Variants in UGT2B4 observed in about 807,000 individuals in gnomAD.
UGT2B4 encodes UDP glucuronosyltransferase family 2 member B4.
A neutral mutation model predicts 49.8 loss-of-function variants in UGT2B4; 49 were observed. That is an observed-to-expected ratio of 0.98 (90% CI 0.78 to 1.25). The LOEUF is 1.25. Among genes scored for constraint, UGT2B4 ranks in the 50% most tolerant of loss-of-function variants. UGT2B4 has a pLI of 0.00. For synonymous variants in UGT2B4, 246 were observed against 217.7 expected (o/e 1.13, Z -1.14); for missense variants, 729 against 627.7 (o/e 1.16, Z -1.73).
chr4:69,523,426 C>G (rs1375465472), intron 1 of UGT2B4, among the ~76,000 whole-genome samples: 1 of 152,046 alleles, frequency 6.6e-6, no homozygotes, highest in Non-Finnish European at 1.5e-5. Flanking sequence ...ACATTTTGAT[C>G]ACAGCTCTTG....
At chr4:69,520,162 ATATG>A (rs755094213) in intron 1 of UGT2B4, among the ~76,000 whole-genome samples, 75 of 152,236 alleles carry the variant, frequency 4.9e-4, no homozygotes, top group Admixed American at 2.0e-4. Context: ...TTTCACACAC[ATATG>A]TATCACAATA....
chr4:69,523,620 G>A (rs1230649151), intron 1 of UGT2B4, among the ~76,000 whole-genome samples: 1 of 152,002 alleles, frequency 6.6e-6, no homozygotes, highest in Non-Finnish European at 1.5e-5. Context: ...TAATTCTCAA[G>A]GGCTGTTAGA....
rs1225022905 is a variant in UGT2B4 at position 69,495,551 on chromosome 4, G to C, written c.311C>G (p.Thr104Arg). The change falls in exon 1 of 6, where the codon ACA (threonine) becomes AGA (arginine). Residue 104 changes from threonine to arginine, a missense_variant. Thr to Arg is a moderately conservative substitution (Grantham distance 71). Coordinates refer to ENST00000305107, the MANE Select transcript of UGT2B4 (RefSeq NM_021139.3). ...VKRWAELPKD[T>R]FWSYFSQVQE... ...TACTTGTGAAAAATATGACCAAAAT[G>C]TGTCTTTTGGAAGTTCTGCCCATCT... 1.3e-5 allele frequency: 21 copies of C among 1,613,410 alleles called. No homozygotes were observed. Among genetic ancestry groups the C allele is most frequent in the Non-Finnish European group, 1.8e-5 (21 of 1,179,744 alleles).
chr4:69,485,566 G>T, intron 4 of UGT2B4, 139 bp from the exon 5 acceptor site: 1 of 1,202,994 alleles, frequency 8.3e-7, no homozygotes, highest in South Asian at 1.3e-5. Flanking sequence ...TCAGAGGAAG[G>T]AACGCCTACT....
rs116745785 is a variant in UGT2B4 at position 69,506,242 on chromosome 4, G to C, written c.-105-10276C>G. ...TGAAAATCAGAGATGAACTGAAAGA[G>C]ATACAGACACAATAAAAAACATTCA... On this transcript the variant is annotated intron_variant, in intron 1 of 1. Coordinates refer to the UGT2B4 transcript ENST00000510114. Among the ~76,000 whole-genome samples the C allele has an allele frequency of 1.5e-3, 233 of 151,946 alleles. 1 individual carries two copies. The highest frequency in any genetic ancestry group is 5.5e-3 in the African/African-American group (230 of 41,460).
chr4:69,503,132 C>T (rs758230047), intron 1 of UGT2B4, among the ~76,000 whole-genome samples: 2 of 152,160 alleles, frequency 1.3e-5, no homozygotes. Context: ...AGACTTTAGC[C>T]CTAGGGGAAC....
chr4:69,511,127 G>A (rs1728594004), intron 1 of UGT2B4, among the ~76,000 whole-genome samples: 1 of 151,560 alleles, frequency 6.6e-6, no homozygotes. Flanking sequence ...GAGTAGCTGG[G>A]ATTACAAGTG....
At chr4:69,492,051 C>T (rs892496237) in intron 2 of UGT2B4, among the ~76,000 whole-genome samples, 4 of 152,070 alleles carry the variant, frequency 2.6e-5, no homozygotes, top group African/African-American at 9.6e-5. Flanking sequence ...TTATATTCCT[C>T]CATAAAGAAT....
At chr4:69,481,930 C>G (rs1727603874) in intron 5 of UGT2B4, among the ~76,000 whole-genome samples, 1 of 152,162 alleles carries the variant, frequency 6.6e-6, no homozygotes, top group African/African-American at 2.4e-5. Flanking sequence ...TGATACTCCC[C>G]TGATTAAGAC....
Position 69,485,318 on chromosome 4 carries a change from A to T in UGT2B4, c.1200T>A (p.Pro400=), listed in dbSNP as rs113605245. 8.1e-6 allele frequency: 13 copies of T among 1,614,090 alleles called. No homozygotes were observed. The African/African-American group carries it at 1.2e-4, about 15-fold the overall frequency. The change falls in exon 5 of 6, where the codon CCT becomes CCA. Residue 400 remains proline (P), a synonymous_variant. Coordinates refer to ENST00000305107, the MANE Select transcript of UGT2B4 (RefSeq NM_021139.3). ...MVGVPLFADQ[P]DNIAHMKAKG... ...TGGCCTTCATGTGTGCAATGTTATC[A>T]GGTTGATCTGCAAACAATGGAACGC...
chr4:69,523,749 T>C (rs979714147), intron 1 of UGT2B4, among the ~76,000 whole-genome samples: 1 of 152,114 alleles, frequency 6.6e-6, no homozygotes, highest in East Asian at 1.9e-4. Context: ...TATCTTTCAC[T>C]ATTAAAGACT....
intron 3 of UGT2B4, among the ~76,000 whole-genome samples, chr4:69,487,483 AAC>A (rs1474190324): frequency 6.6e-6 from 1 of 152,170 alleles, no homozygotes; most frequent in Non-Finnish European, 1.5e-5. Context: ...CTAGCAAACA[AAC>A]ACAGGAACAG....
At chr4:69,497,523 G>T (rs1415250171), upstream of UGT2B4, among the ~76,000 whole-genome samples, 1 of 152,142 alleles carries the variant, frequency 6.6e-6, no homozygotes, top group Non-Finnish European at 1.5e-5. Flanking sequence ...CTATAACAAA[G>T]ACTTCAGTGG....
chr4:69,496,030 G>A (rs577437940), upstream of UGT2B4: 2 of 1,151,694 alleles, frequency 1.7e-6, no homozygotes, highest in African/African-American at 3.2e-5. Flanking sequence ...CAAATAAAAG[G>A]TAGATGACCT....
chr4:69,496,950 A>G (rs1276231570), upstream of UGT2B4, among the ~76,000 whole-genome samples: 5 of 11,992 alleles, frequency 4.2e-4, no homozygotes, highest in African/African-American at 4.5e-4. Context: ...AAGGGAGGGG[A>G]AAAAAAAAAA....
In UGT2B4 at chr4:69,480,641, C is replaced by T. The variant is rs763278148; in HGVS notation, c.1580G>A (p.Arg527Lys). 1.9e-6 allele frequency: 3 copies of T among 1,613,852 alleles called. No homozygotes were observed. The South Asian group carries it at 3.3e-5, about 18-fold the overall frequency. ...KFVRTGKKGK[R>K]D is the part of the protein sequence containing the mutation. ...TTCCAGCCTCAGACGTAATTAATCTCTTTTCCCCTTCTTTCCTGTTCTAAC... is the reference window on the plus strand; with the variant it reads ...TTCCAGCCTCAGACGTAATTAATCTTTTTTCCCCTTCTTTCCTGTTCTAAC... Residue 527 changes from arginine to lysine, a missense_variant, in exon 6 of 6, where the codon AGA becomes AAA. Arg to Lys is a conservative substitution (Grantham distance 26). Coordinates refer to ENST00000305107, the MANE Select transcript of UGT2B4 (RefSeq NM_021139.3).
chr4:69,481,126 A>C (rs980897222), intron 5 of UGT2B4, among the ~76,000 whole-genome samples: 3 of 132,964 alleles, frequency 2.3e-5, no homozygotes, highest in Admixed American at 7.9e-5. Flanking sequence ...AAGATTACCC[A>C]GGCGTGGTGG....
intron 2 of UGT2B4, 80 bp downstream of exon 2, chr4:69,493,613 G>A (rs1379452313): frequency 3.4e-6 from 5 of 1,477,984 alleles, no homozygotes; most frequent in Non-Finnish European, 3.6e-6. Context: ...TTCTTCCAGT[G>A]TAAGTCAAAC....
At chr4:69,508,227 G>GA (rs1409145218) in intron 1 of UGT2B4, among the ~76,000 whole-genome samples, 1 of 152,000 alleles carries the variant, frequency 6.6e-6, no homozygotes, top group African/African-American at 2.4e-5. Context: ...AGATTGGGGA[G>GA]AAAAAATAAA....
Sources: allele counts gnomAD v4.1 joint callset (sites outside exome capture counted in the v4.1 genomes callset), GRCh38; gene constraint gnomAD v4.1.1; transcripts MANE v1.5; gene names NCBI Gene and HGNC (gene_info 2026-07-23, HGNC 2026-07-21).